The following SBK3 variants were observed in gnomAD, a reference collection of about 807,000 sequenced individuals.
SBK3 encodes the protein uncharacterized serine/threonine-protein kinase SBK3.
Under a neutral mutation model 12.7 loss-of-function variants are expected in SBK3, and 16 were observed. The observed-to-expected ratio is 1.26, with a 90% CI of 0.86 to 1.92. The LOEUF (loss-of-function observed/expected upper bound fraction) is 1.92. SBK3 is among the 40% of genes most tolerant of loss of function. The pLI is 0.00. For missense variants in SBK3, 462 were observed against 481.8 expected, an observed-to-expected ratio of 0.96 and a Z score of 0.38; for synonymous variants, 217 against 213.6, an observed-to-expected ratio of 1.02 and a Z score of -0.14.
At chr19:55,544,988 G>C (rs1988642809) in intron 1 of SBK3, 39 bp from the exon 2 acceptor site, 1 of 1,487,710 alleles carries the variant, frequency 6.7e-7, no homozygotes, top group Non-Finnish European at 8.9e-7. Flanking sequence ...GGCGCGTCTG[G>C]GGTCCACTGA....
Position 55,544,482 on chromosome 19 carries a change from T to C in SBK3, c.197-180A>G, listed in dbSNP as rs532799745. 1.8e-4 allele frequency among the ~76,000 whole-genome samples: 27 copies of C among 152,248 alleles called. No homozygotes were observed. In the East Asian group the frequency reaches 4.8e-3, roughly 27 times the overall value. ...AGACCCTCCCTGCTCTGCCTCGGAC[T>C]GCGGCGTGGGCTTGCACAGCCGCCT... On this transcript the variant is annotated intron_variant, in intron 2 of 3. Transcript: ENST00000612221.
At position 55,541,317 on chromosome 19, in the gene SBK3, C is replaced by T. The variant is rs1276609831; in HGVS notation, c.609G>A (p.Thr203=). The T allele has an allele frequency of 5.2e-6, 8 of 1,535,150 alleles. No individual in the cohort carries two copies. Among genetic ancestry groups the T allele is most frequent in the African/African-American group, 1.4e-5 (1 of 73,040 alleles). The change falls in exon 4 of 4, where the codon ACG becomes ACA. Residue 203 remains threonine, a synonymous_variant. Coordinates refer to ENST00000612221, the MANE Select transcript of SBK3 (RefSeq NM_001199824.2). This position sits in a 1 kb window ranked among gnomAD's most constrained non-coding sequence, Gnocchi z 5.3. ...GCAGGAGACAGAGCTCAGGCGGTGC[C>T]GTGGGCAGAGGCACTGGTGGGGCGG... The part of the protein sequence containing the change: ...PTPAPPVPLP[T]APPELCLLLP...
Position 55,545,006 on chromosome 19 carries a change from G to A in SBK3, c.46-57C>T, listed in dbSNP as rs1988643101. ...GCGTCTGGGGTCCACTGAGAGTGGTGGGGGAGGAGGTCACGGCGCAGCCCC... is the reference window on the plus strand; with the variant it reads ...GCGTCTGGGGTCCACTGAGAGTGGTAGGGGAGGAGGTCACGGCGCAGCCCC... On this transcript the variant is annotated intron_variant, in intron 1 of 3. Transcript: ENST00000612221. The surrounding 1 kb of genome is among the most constrained non-coding windows in gnomAD (Gnocchi z 4.4). The A allele has an allele frequency of 7.3e-7, 1 of 1,361,572 alleles. No homozygotes were observed. 84.3% of individuals were successfully genotyped at this position (1,361,572 alleles called of 1,614,324 possible).
At position 55,541,377 on chromosome 19, in the gene SBK3, G is replaced by C; in HGVS notation, c.549C>G (p.Asp183Glu). Reference sequence around the variant, plus strand: ...TGCCCTCTGGCCGGGTCAGACCCAGGTCTCCCAGGGCCACACGGCTGCAGA... The same window carrying C: ...TGCCCTCTGGCCGGGTCAGACCCAGCTCTCCCAGGGCCACACGGCTGCAGA... The part of the protein sequence containing the change: ...DPVCSRVALG[D>E]LGLTRPEGSP... Residue 183 changes from aspartate to glutamate, a missense_variant, in exon 4 of 4, where the codon GAC becomes GAG. Transcript: ENST00000612221. The surrounding 1 kb of genome is among the most constrained non-coding windows in gnomAD (Gnocchi z 5.3). The C allele has an allele frequency of 6.5e-7, 1 of 1,535,740 alleles. No individual in the cohort carries two copies. Among genetic ancestry groups the C allele is most frequent in the Non-Finnish European group, 8.7e-7 (1 of 1,146,772 alleles).
At position 55,540,766 on chromosome 19, in the gene SBK3, T is replaced by C. The variant is rs745770609; in HGVS notation, c.*80A>G. ...CCCTCTCTGTCCTCCCGGGTGCAGC[T>C]GTCTCTCCATCCAGGTGGCCCTGGG... On this transcript the variant is annotated 3_prime_UTR_variant, in exon 4 of 4. Transcript: ENST00000612221. 4 of 1,197,544 alleles carry C rather than the reference T, an allele frequency of 3.3e-6. No homozygotes were observed. The highest frequency in any genetic ancestry group is 3.0e-5 in the African/African-American group (2 of 66,582). 74.2% of individuals were successfully genotyped at this position (1,197,544 alleles called of 1,614,324 possible). A position where few individuals can be genotyped will look rare whatever the true frequency, so the allele number is the denominator to read the frequency against.
intron 3 of SBK3, among the ~76,000 whole-genome samples, chr19:55,542,713 C>CA (rs1224799824): frequency 3.4e-5 from 5 of 148,862 alleles, no homozygotes; most frequent in African/African-American, 4.9e-5. Context: ...TTCATCCACC[C>CA]ACCCACCTAC....
intron 2 of SBK3, 33 bp downstream of exon 2, chr19:55,544,766 T>C (rs999655724): frequency 6.2e-6 from 9 of 1,457,840 alleles, no homozygotes; most frequent in Middle Eastern, 2.3e-4. Flanking sequence ...TGTGGGGCAG[T>C]TGGGGAGGCT....
At position 55,541,098 on chromosome 19, in the gene SBK3, C is replaced by T. The variant is rs111546672; in HGVS notation, c.828G>A (p.Ala276=). 39 of 1,535,658 alleles carry T rather than the reference C, an allele frequency of 2.5e-5. No homozygotes were observed. Among genetic ancestry groups the T allele is most frequent in the African/African-American group, 1.1e-4 (8 of 73,034 alleles). ...PQPPPPWDQF[A]PPALALLQGL... is the part of the protein sequence containing the mutation. ...CCTGGAGCAAGGCCAGGGCTGGGGG[C>T]GCAAACTGGTCCCAGGGTGGTGGTG... is the stretch of plus-strand genomic sequence containing the variant. Residue 276 remains alanine, a synonymous_variant, in exon 4 of 4, where the codon GCG becomes GCA. Coordinates refer to ENST00000612221, the MANE Select transcript of SBK3 (RefSeq NM_001199824.2). This position sits in a 1 kb window ranked among gnomAD's most constrained non-coding sequence, Gnocchi z 5.3.
At position 55,540,708 on chromosome 19, in the gene SBK3, G is replaced by A. The variant is rs1246350820; in HGVS notation, c.*138C>T. The A allele has an allele frequency of 1.0e-5, 8 of 780,400 alleles. No homozygotes were observed. In the Middle Eastern group the frequency reaches 1.3e-3, roughly 130 times the overall value. The allele number at this position is 780,400 out of a possible 1,614,324, so 48.3% of individuals were successfully genotyped here. A position where few individuals can be genotyped will look rare whatever the true frequency, so the allele number is the denominator to read the frequency against. On this transcript the variant is annotated 3_prime_UTR_variant, in exon 4 of 4. Transcript: ENST00000612221. ...AGTTGGAAGAGGAATGCGCGTCCAA[G>A]CCCAGCGTTCCGTAGGGAGAGTGCA...
intron 3 of SBK3, among the ~76,000 whole-genome samples, chr19:55,542,901 C>T (rs1477296320): frequency 6.7e-6 from 1 of 150,120 alleles, no homozygotes; most frequent in African/African-American, 2.5e-5. Context: ...TTCATCCATC[C>T]ATCCACCCCT....
In SBK3 at chr19:55,540,828, C is replaced by T; in HGVS notation, c.*18G>A. 6.5e-7 allele frequency: 1 copy of T among 1,535,024 alleles called. No individual in the cohort carries two copies. Among genetic ancestry groups the T allele is most frequent in the African/African-American group, 1.4e-5 (1 of 73,144 alleles). On this transcript the variant is annotated 3_prime_UTR_variant, in exon 4 of 4. Coordinates refer to ENST00000612221, the MANE Select transcript of SBK3 (RefSeq NM_001199824.2). ...GGGCCTCTGGCCCAGGCTCTGGCCA[C>T]CTGTCTCTGTCACCTGGTCAGGGAG...
In SBK3 at chr19:55,541,389, C is replaced by T; in HGVS notation, c.537G>A (p.Val179=). Residue 179 remains valine (V), a synonymous_variant, in exon 4 of 4, where the codon GTG becomes GTA. Coordinates refer to ENST00000612221, the MANE Select transcript of SBK3 (RefSeq NM_001199824.2). This position sits in a 1 kb window ranked among gnomAD's most constrained non-coding sequence, Gnocchi z 5.3. ...GGGTCAGACCCAGGTCTCCCAGGGC[C>T]ACACGGCTGCAGACCGGGTCGAAGA... The part of the protein sequence containing the change: ...VLVFDPVCSR[V]ALGDLGLTRP... 6.5e-7 allele frequency: 1 copy of T among 1,535,812 alleles called. No individual in the cohort carries two copies. The highest frequency in any genetic ancestry group is 8.7e-7 in the Non-Finnish European group (1 of 1,146,810).
Position 55,541,530 on chromosome 19 carries a change from A to C in SBK3, c.400-4T>G. The C allele has an allele frequency of 6.7e-7, 1 of 1,501,594 alleles. No individual in the cohort carries two copies. The highest frequency in any genetic ancestry group is 8.9e-7 in the Non-Finnish European group (1 of 1,125,650). The allele number at this position is 1,501,594 out of a possible 1,614,324, so 93.0% of individuals were successfully genotyped here. On this transcript the variant is annotated splice_polypyrimidine_tract_variant and splice_region_variant and intron_variant, in intron 3 of 3. Coordinates refer to ENST00000612221, the MANE Select transcript of SBK3 (RefSeq NM_001199824.2). This position sits in a 1 kb window ranked among gnomAD's most constrained non-coding sequence, Gnocchi z 5.3. ...TCACCAGCAGTTCTGGGAGGCCCTG[A>C]GGTCAAGAAGACAGGAGGAGGGTCA...
At position 55,544,175 on chromosome 19, in the gene SBK3, TA is replaced by T; in HGVS notation, c.323del (p.Leu108HisfsTer33). The T allele has an allele frequency of 6.5e-7, 1 of 1,535,756 alleles. No homozygotes were observed. The highest frequency in any genetic ancestry group is 1.4e-5 in the African/African-American group (1 of 73,100). ...CGAAGGCAAAATAGCGGGGGGTCTG[TA>T]GGGGTCCTGCCAGGGTCTGCAGCAG... Reference protein sequence around the residue: ...PGLLQTLAGPLQTPRYFAFAQ... With the variant: ...PGLLQTLAGPXQTPRYFAFAQ... On this transcript the variant is annotated frameshift_variant, in exon 3 of 4. Transcript: ENST00000612221. LOFTEE classifies it high-confidence loss of function.
At position 55,541,133 on chromosome 19, in the gene SBK3, G is replaced by C; in HGVS notation, c.793C>G (p.Pro265Ala). Residue 265 changes from proline to alanine, a missense_variant, in exon 4 of 4, where the codon CCA becomes GCA. Transcript: ENST00000612221. The surrounding 1 kb of genome is among the most constrained non-coding windows in gnomAD (Gnocchi z 5.3). ...TCCCAGGGTGGTGGTGGCTGAGGTG[G>C]CTGAGGCTTGGTGGTCACCCAGCCA... ...FAGWVTTKPQ[P>A]PQPPPPWDQF... 2 of 1,535,770 alleles carry C rather than the reference G, an allele frequency of 1.3e-6. No individual in the cohort carries two copies. Among genetic ancestry groups the C allele is most frequent in the South Asian group, 1.2e-5 (1 of 84,036 alleles).
rs548582220 is a variant in SBK3, at chr19:55,541,938, C to G, written c.400-412G>C. Reference sequence around the variant, plus strand: ...AACCAGTAGCTCCTTCTTTTAGCTTCTTTCAAAGATTCTCCTAACTCAAAC... The same window carrying G: ...AACCAGTAGCTCCTTCTTTTAGCTTGTTTCAAAGATTCTCCTAACTCAAAC... On this transcript the variant is annotated intron_variant, in intron 3 of 3. Transcript: ENST00000612221. This position sits in a 1 kb window ranked among gnomAD's most constrained non-coding sequence, Gnocchi z 5.3. Among the ~76,000 whole-genome samples the G allele has an allele frequency of 6.6e-6, 1 of 152,310 alleles. No homozygotes were observed. Among genetic ancestry groups the G allele is most frequent in the Non-Finnish European group, 1.5e-5 (1 of 68,016 alleles).
At chr19:55,544,016 G>C in intron 3 of SBK3, 84 bp downstream of exon 3, 1 of 1,210,504 alleles carries the variant, frequency 8.3e-7, no homozygotes, top group Non-Finnish European at 1.1e-6. Context: ...CTGATTTGGG[G>C]TCAGAGTTGG....
At position 55,541,117 on chromosome 19, in the gene SBK3, G is replaced by GGTGGTGGCT; in HGVS notation, c.800_808dup (p.Gln267_Pro269dup). On this transcript the variant is annotated inframe_insertion, in exon 4 of 4. Transcript: ENST00000612221. The surrounding 1 kb of genome is among the most constrained non-coding windows in gnomAD (Gnocchi z 5.3). ...TGGGGGCGCAAACTGGTCCCAGGGT[G>GGTGGTGGCT]GTGGTGGCTGAGGTGGCTGAGGCTT... 6.5e-7 allele frequency: 1 copy of GGTGGTGGCT among 1,535,828 alleles called. No homozygotes were observed. Among genetic ancestry groups the GGTGGTGGCT allele is most frequent in the Non-Finnish European group, 8.7e-7 (1 of 1,146,746 alleles).
rs1197727261 is a variant in SBK3 at position 55,544,881 on chromosome 19, G to C, written c.114C>G (p.Ser38Arg). 6.5e-7 allele frequency: 1 copy of C among 1,534,388 alleles called. No homozygotes were observed. Among genetic ancestry groups the C allele is most frequent in the Non-Finnish European group, 8.7e-7 (1 of 1,146,398 alleles). ...LTTSRVTPVR[S>R]LRDQYHLIRK... Reference sequence around the variant, plus strand: ...GGATGAGGTGGTACTGGTCCCGAAGGCTCCTCACCGGGGTCACCCTGCTGG... The same window carrying C: ...GGATGAGGTGGTACTGGTCCCGAAGCCTCCTCACCGGGGTCACCCTGCTGG... The change falls in exon 2 of 4, where the codon AGC becomes AGG. Residue 38 changes from serine (S) to arginine (R), a missense_variant. By Grantham distance (110) the Ser-to-Arg change is moderately radical (BLOSUM62 -1). Transcript: ENST00000612221.
Sources: allele counts gnomAD v4.1 joint callset (sites outside exome capture counted in the v4.1 genomes callset), GRCh38; gene constraint gnomAD v4.1.1; non-coding constraint Gnocchi (gnomAD v3.1); transcripts MANE v1.5; gene names NCBI Gene and HGNC (gene_info 2026-07-23, HGNC 2026-07-21).